Variants in CLASP2 observed in about 807,000 individuals in gnomAD.
The protein encoded by CLASP2 is CLIP-associating protein 2.
In CLASP2, 47 loss-of-function variants were observed where a neutral mutation model predicts 194.4. That is an observed-to-expected ratio of 0.24 (90% CI 0.19 to 0.31). The LOEUF is 0.31. Ranked by LOEUF, CLASP2 falls within the 10% of genes least tolerant of loss-of-function variation. The probability of loss-of-function intolerance (pLI) is 1.00; values close to 1 mark genes in which losing one functional copy is unlikely to be tolerated. For missense variants in CLASP2, 1,445 were observed against 1,823.6 expected (o/e 0.79, Z 3.78); for synonymous variants, 619 against 633.5 (o/e 0.98, Z 0.34).
chr3:33,610,626 A>G (rs2074965740), intron 13 of CLASP2, among the ~76,000 whole-genome samples: 1 of 152,214 alleles, frequency 6.6e-6, no homozygotes, highest in African/African-American at 2.4e-5. Flanking sequence ...GCTGGACAGT[A>G]AATATTTTAA....
chr3:33,712,067 C>T (rs539041367), intron 1 of CLASP2, among the ~76,000 whole-genome samples: 12 of 152,098 alleles, frequency 7.9e-5, no homozygotes, highest in Admixed American at 3.3e-4. Flanking sequence ...GGGACATGCA[C>T]GTTTATAGCA....
intron 6 of CLASP2, among the ~76,000 whole-genome samples, chr3:33,680,293 C>T (rs931909090): frequency 6.6e-6 from 1 of 152,318 alleles, no homozygotes; most frequent in South Asian, 2.1e-4. Flanking sequence ...CATTGTACAT[C>T]TGTCCAAACC....
chr3:33,630,965 A>T (rs1220473982), intron 9 of CLASP2, among the ~76,000 whole-genome samples: 1 of 152,244 alleles, frequency 6.6e-6, no homozygotes, highest in East Asian at 1.9e-4. Context: ...AAAGTATCTT[A>T]AAATAAGAAA....
At position 33,619,593 on chromosome 3, in the gene CLASP2, G is replaced by A; in HGVS notation, c.1317+10C>T. ...GGAGGCAGCAGTAGAAAACGAGAGAGCAAACCTACCCGAATGATAAATCTG... is the reference window on the plus strand; with the variant it reads ...GGAGGCAGCAGTAGAAAACGAGAGAACAAACCTACCCGAATGATAAATCTG... On this transcript the variant is annotated intron_variant, in intron 12 of 38. Coordinates refer to ENST00000682230, the MANE Select transcript of CLASP2 (RefSeq NM_001365631.1). 9 of 1,544,050 alleles carry A rather than the reference G, an allele frequency of 5.8e-6. No individual in the cohort carries two copies. The highest frequency in any genetic ancestry group is 7.0e-6 in the Non-Finnish European group (8 of 1,144,014).
At chr3:33,678,710 C>T (rs1044004137) in intron 6 of CLASP2, among the ~76,000 whole-genome samples, 1 of 152,112 alleles carries the variant, frequency 6.6e-6, no homozygotes, top group South Asian at 2.1e-4. Context: ...ATAAATCTAA[C>T]GAAATAAGTG....
chr3:33,585,026 G>A, intron 21 of CLASP2, 106 bp from the exon 22 acceptor site: 1 of 930,950 alleles, frequency 1.1e-6, no homozygotes, highest in Non-Finnish European at 1.6e-6. Context: ...AACTGTGACA[G>A]TATGGCAGGT....
At position 33,632,378 on chromosome 3, in the gene CLASP2, AT is replaced by A; in HGVS notation, c.863-8del. 6.3e-7 allele frequency: 1 copy of A among 1,576,246 alleles called. No individual in the cohort carries two copies. Among genetic ancestry groups the A allele is most frequent in the South Asian group, 1.2e-5 (1 of 83,888 alleles). On this transcript the variant is annotated splice_region_variant and splice_polypyrimidine_tract_variant and intron_variant, in intron 8 of 38. Coordinates refer to ENST00000682230, the MANE Select transcript of CLASP2 (RefSeq NM_001365631.1). ...CCTCCTTCCTTAGAAGCACCTGCTA[AT>A]TAAAAGGAAATTAATTTCCTAAGGT...
chr3:33,610,054 T>C (rs768967117), intron 13 of CLASP2, among the ~76,000 whole-genome samples: 1 of 152,220 alleles, frequency 6.6e-6, no homozygotes, highest in Non-Finnish European at 1.5e-5. Context: ...GTTTTGAACT[T>C]GTTAATTAAA....
chr3:33,602,680 A>C, intron 18 of CLASP2: 1 of 700,040 alleles, frequency 1.4e-6, no homozygotes, highest in Non-Finnish European at 2.6e-6. Context: ...ACCAGTGGCT[A>C]GATGTGGTAG....
intron 8 of CLASP2, among the ~76,000 whole-genome samples, chr3:33,633,678 A>G (rs922299988): frequency 7.9e-5 from 12 of 152,194 alleles, no homozygotes; most frequent in Non-Finnish European, 1.6e-4. Flanking sequence ...TGACCAATCA[A>G]CAAGAGGCCA....
chr3:33,624,868 T>C (rs1284199374), intron 10 of CLASP2, among the ~76,000 whole-genome samples: 2 of 152,008 alleles, frequency 1.3e-5, no homozygotes, highest in African/African-American at 4.8e-5. Flanking sequence ...AAGTTACTAG[T>C]GATAAATTCA....
intron 29 of CLASP2, among the ~76,000 whole-genome samples, chr3:33,558,118 C>T (rs1033850217): frequency 6.6e-6 from 1 of 152,194 alleles, no homozygotes; most frequent in Non-Finnish European, 1.5e-5. Context: ...TTACTGAGCA[C>T]GAGATGAATG....
chr3:33,498,978 T>C (rs2046202747), intron 38 of CLASP2, among the ~76,000 whole-genome samples: 2 of 152,228 alleles, frequency 1.3e-5, no homozygotes. Flanking sequence ...ATCATGTCTT[T>C]TCAAAATATA....
chr3:33,688,426 CT>C, intron 3 of CLASP2, 58 bp from the exon 4 acceptor site: 1 of 1,237,164 alleles, frequency 8.1e-7, no homozygotes, highest in Middle Eastern at 2.2e-4. Context: ...ATGTTATAAT[CT>C]TTTATTTCTT....
At position 33,568,836 on chromosome 3, in the gene CLASP2, T is replaced by C. The variant is rs558632015; in HGVS notation, c.2763+1891A>G. ...TTGCTTGATTCTGAAGATGGAACTG[T>C]TGGTCTAAAAATACATTAAAAAGGG... On this transcript the variant is annotated intron_variant, in intron 26 of 38. Transcript: ENST00000682230. 7.9e-5 allele frequency among the ~76,000 whole-genome samples: 12 copies of C among 152,234 alleles called. No individual in the cohort carries two copies. In the East Asian group the frequency reaches 2.3e-3, roughly 29 times the overall value.
At chr3:33,553,096 T>G (rs990699600) in intron 29 of CLASP2, among the ~76,000 whole-genome samples, 6 of 152,164 alleles carry the variant, frequency 3.9e-5, no homozygotes, top group Non-Finnish European at 7.4e-5. Flanking sequence ...TGTTTTTCTA[T>G]GTTTTTTCTT....
At chr3:33,613,644 G>A (rs1345451903) in intron 12 of CLASP2, among the ~76,000 whole-genome samples, 2 of 152,212 alleles carry the variant, frequency 1.3e-5, no homozygotes, top group Non-Finnish European at 2.9e-5. Context: ...ATGCAAGAAA[G>A]TGTGCTGACA....
intron 18 of CLASP2, 123 bp downstream of exon 18, chr3:33,602,828 TA>T (rs2072650250): frequency 9.8e-7 from 1 of 1,023,120 alleles, no homozygotes; most frequent in African/African-American, 1.6e-5. Flanking sequence ...TATAGAATTA[TA>T]TTAAAACATA....
At chr3:33,542,063 C>T (rs1219594439) in intron 32 of CLASP2, among the ~76,000 whole-genome samples, 11 of 152,052 alleles carry the variant, frequency 7.2e-5, no homozygotes, top group Admixed American at 6.6e-5. Flanking sequence ...TCACTGTGGG[C>T]TTGATTTGCA....
Sources: gnomAD v4.1 joint callset for allele counts (sites outside exome capture counted in the v4.1 genomes callset) on GRCh38, gnomAD v4.1.1 for gene constraint, MANE v1.5 for transcripts, NCBI Gene and HGNC (gene_info 2026-07-23, HGNC 2026-07-21) for gene names.